THSD7B: variants seen among roughly 807,000 people sequenced by gnomAD.
The protein encoded by THSD7B is thrombospondin type 1 domain containing 7B, also known as thrombospondin type-1 domain-containing protein 7B.
In THSD7B, 138 loss-of-function variants were observed where a neutral mutation model predicts 213.6. The ratio of observed to expected loss-of-function variants is 0.65; its 90% CI spans 0.56 to 0.74. The LOEUF (loss-of-function observed/expected upper bound fraction) is 0.74. Ranked by LOEUF, THSD7B falls within the 30% of genes least tolerant of loss-of-function variation. The pLI is 0.00. For synonymous variants in THSD7B, 742 were observed against 687.0 expected (o/e 1.08, Z -1.25); for missense variants, 1,931 against 1,991.5 (o/e 0.97, Z 0.58).
At chr2:137,068,723 C>G (rs1417794650) in intron 3 of THSD7B, among the ~76,000 whole-genome samples, 1 of 152,036 alleles carries the variant, frequency 6.6e-6, no homozygotes, top group Non-Finnish European at 1.5e-5. Context: ...TCCTTTTACT[C>G]TGTTCATATG....
At chr2:137,130,572 C>A (rs1476334950) in intron 5 of THSD7B, among the ~76,000 whole-genome samples, 1 of 143,272 alleles carries the variant, frequency 7.0e-6, no homozygotes, top group African/African-American at 2.6e-5. Context: ...TGTTCCCCTT[C>A]CTGTGTCCAT....
At chr2:137,575,619 T>A (rs1681442244) in intron 17 of THSD7B, among the ~76,000 whole-genome samples, 1 of 151,636 alleles carries the variant, frequency 6.6e-6, no homozygotes, top group Admixed American at 6.6e-5. Flanking sequence ...AAACCATAAA[T>A]GGATCAAGCA....
chr2:137,290,460 C>G (rs929679080), intron 12 of THSD7B, among the ~76,000 whole-genome samples: 1 of 152,090 alleles, frequency 6.6e-6, no homozygotes, highest in African/African-American at 2.4e-5. Flanking sequence ...CTTACTCTGT[C>G]TCTCTACTGC....
At chr2:137,583,128 TA>T (rs1681621763) in intron 17 of THSD7B, among the ~76,000 whole-genome samples, 1 of 152,200 alleles carries the variant, frequency 6.6e-6, no homozygotes, top group African/African-American at 2.4e-5. Flanking sequence ...GTTGGCTGCA[TA>T]AAATGTCTTC....
intron 12 of THSD7B, among the ~76,000 whole-genome samples, chr2:137,287,451 G>A (rs1683212210): frequency 6.6e-6 from 1 of 152,084 alleles, no homozygotes; most frequent in Non-Finnish European, 1.5e-5. Flanking sequence ...ATTCTGTGAG[G>A]TATTTTTCAT....
Position 136,882,278 on chromosome 2 carries a change from T to G in THSD7B, c.100T>G (p.Leu34Val). 2.6e-6 allele frequency: 4 copies of G among 1,543,890 alleles called. No homozygotes were observed. The South Asian group carries it at 4.8e-5, about 19-fold the overall frequency. ...TCTCTTGCTGTCCCATGCAGCTCAT[T>G]TGGAAGGCAAAAAGGATAATCAGTT... ...LSLLLSHAAH[L>V]EGKKDNQFIW... The change falls in exon 2 of 28, where the codon TTG (leucine) becomes GTG (valine). Residue 34 changes from leucine (L) to valine (V), a missense_variant. Leu to Val is a conservative substitution (Grantham distance 32). Transcript: ENST00000409968.
At chr2:136,917,966 G>A (rs1684375153) in intron 2 of THSD7B, among the ~76,000 whole-genome samples, 1 of 152,124 alleles carries the variant, frequency 6.6e-6, no homozygotes, top group Non-Finnish European at 1.5e-5. Context: ...CCAGAACAGT[G>A]GTAACTAGTT....
intron 12 of THSD7B, among the ~76,000 whole-genome samples, chr2:137,307,717 T>C (rs1683790237): frequency 6.6e-6 from 1 of 152,172 alleles, no homozygotes; most frequent in South Asian, 2.1e-4. Context: ...GTCTATTCTT[T>C]GTGCAATTTG....
intron 17 of THSD7B, among the ~76,000 whole-genome samples, chr2:137,596,153 C>T (rs925073981): frequency 9.2e-5 from 14 of 151,890 alleles, no homozygotes; most frequent in African/African-American, 3.4e-4. Context: ...CAGAAGGCAA[C>T]ATGGAAACTC....
intron 5 of THSD7B, among the ~76,000 whole-genome samples, chr2:137,151,461 A>G (rs145899888): frequency 6.9e-4 from 105 of 152,188 alleles, no homozygotes; most frequent in African/African-American, 2.4e-3. Flanking sequence ...TTTAGGGGCA[A>G]TAACACACAT....
intron 12 of THSD7B, among the ~76,000 whole-genome samples, chr2:137,389,738 T>A (rs990171691): frequency 3.3e-5 from 5 of 152,094 alleles, no homozygotes; most frequent in African/African-American, 1.2e-4. Flanking sequence ...TTTGAGTTGC[T>A]TTTTGTACGT....
intron 4 of THSD7B, among the ~76,000 whole-genome samples, chr2:137,112,533 CA>C (rs1173333843): frequency 6.6e-6 from 1 of 152,122 alleles, no homozygotes; most frequent in African/African-American, 2.4e-5. Flanking sequence ...AATAACTTCC[CA>C]AATTTCTCCA....
At chr2:137,418,168 T>A (rs889822775) in intron 14 of THSD7B, among the ~76,000 whole-genome samples, 10 of 152,210 alleles carry the variant, frequency 6.6e-5, no homozygotes, top group African/African-American at 2.2e-4. Flanking sequence ...CTCTCTTCTA[T>A]CCACTTTTCT....
rs71400559 is a variant in THSD7B at position 136,962,403 on chromosome 2, C to CTTTTTTTTTTTTTTTTTTT, written c.139+80093_139+80111dup. On this transcript the variant is annotated intron_variant, in intron 2 of 27. Transcript: ENST00000409968. ...AACACACTATACATAAATCTGTTATCTTTTTTTTTTTTTTTTTTTTTTTTT... is the reference window on the plus strand; with the variant it reads ...AACACACTATACATAAATCTGTTATCTTTTTTTTTTTTTTTTTTTTTTTTTTTTTTTTTTTTTTTTTTTT... Among the ~76,000 whole-genome samples, 4 of 100,180 alleles carry CTTTTTTTTTTTTTTTTTTT rather than the reference C, an allele frequency of 4.0e-5. 1 individual carries two copies. The highest frequency in any genetic ancestry group is 7.7e-5 in the African/African-American group (2 of 25,986). The allele number at this position is 100,180 out of a possible 152,430, so 65.7% of individuals were successfully genotyped here.
At chr2:136,839,928 T>C (rs1682898190) in intron 1 of THSD7B, among the ~76,000 whole-genome samples, 1 of 152,244 alleles carries the variant, frequency 6.6e-6, no homozygotes, top group South Asian at 2.1e-4. Flanking sequence ...TAAGCATTTA[T>C]TGAGTACCAG....
At chr2:137,197,444 C>T (rs1573880352) in intron 7 of THSD7B, among the ~76,000 whole-genome samples, 1 of 152,152 alleles carries the variant, frequency 6.6e-6, no homozygotes, top group Middle Eastern at 3.4e-3. Flanking sequence ...AAAATAAATA[C>T]ATTGAAATAA....
intron 12 of THSD7B, among the ~76,000 whole-genome samples, chr2:137,374,283 A>G (rs1685602207): frequency 6.6e-6 from 1 of 152,184 alleles, no homozygotes; most frequent in Non-Finnish European, 1.5e-5. Flanking sequence ...GATGTAAATC[A>G]GATTACTTCT....
At chr2:137,636,123 G>T (rs1477375889) in intron 20 of THSD7B, among the ~76,000 whole-genome samples, 2 of 152,156 alleles carry the variant, frequency 1.3e-5, no homozygotes, top group African/African-American at 4.8e-5. Context: ...TCCATAGACA[G>T]CCAAGCCCCT....
At chr2:137,346,119 T>A (rs1235683338) in intron 12 of THSD7B, among the ~76,000 whole-genome samples, 2 of 151,588 alleles carry the variant, frequency 1.3e-5, no homozygotes, top group African/African-American at 4.8e-5. Context: ...AACATAAAAT[T>A]TACCATACTA....
Sources: gnomAD v4.1 joint callset for allele counts (sites outside exome capture counted in the v4.1 genomes callset) on GRCh38, gnomAD v4.1.1 for gene constraint, MANE v1.5 for transcripts, NCBI Gene and HGNC (gene_info 2026-07-23, HGNC 2026-07-21) for gene names.